NLGN1: variants seen among roughly 807,000 people sequenced by gnomAD.
NLGN1 encodes neuroligin 1.
Under a neutral mutation model 65.5 loss-of-function variants are expected in NLGN1, and 12 were observed. The ratio of observed to expected loss-of-function variants is 0.18; its 90% CI spans 0.12 to 0.30. The LOEUF (loss-of-function observed/expected upper bound fraction) is 0.30, where lower values mean the gene tolerates loss of function less well. Ranked by LOEUF, NLGN1 falls within the 10% of genes least tolerant of loss-of-function variation. NLGN1 has a pLI of 1.00. For synonymous variants in NLGN1, 350 were observed against 359.5 expected (o/e 0.97, Z 0.30); for missense variants, 750 against 1,007.1 (o/e 0.74, Z 3.46).
chr3:174,204,470 C>A (rs1299016018), intron 4 of NLGN1, among the ~76,000 whole-genome samples: 1 of 152,172 alleles, frequency 6.6e-6, no homozygotes, highest in Non-Finnish European at 1.5e-5. Flanking sequence ...ATAAATGCAT[C>A]CACGGATGTT....
At chr3:174,092,211 G>A (rs1416001324) in intron 4 of NLGN1, among the ~76,000 whole-genome samples, 1 of 152,120 alleles carries the variant, frequency 6.6e-6, no homozygotes, top group Non-Finnish European at 1.5e-5. Flanking sequence ...GTACTGAACT[G>A]GTGAATGGAA....
chr3:174,265,769 A>ATATATATATATATG (rs1747997771), intron 4 of NLGN1, among the ~76,000 whole-genome samples: 1 of 117,728 alleles, frequency 8.5e-6, no homozygotes, highest in Non-Finnish European at 1.7e-5. Flanking sequence ...AAGGCTATAT[A>ATATATATATATATG]TATATATATA....
intron 2 of NLGN1, among the ~76,000 whole-genome samples, chr3:173,539,929 G>C (rs1738537112): frequency 6.7e-6 from 1 of 148,654 alleles, no homozygotes; most frequent in African/African-American, 2.5e-5. Context: ...ACGTGTGTGT[G>C]TGTGTGTGTG....
intron 4 of NLGN1, among the ~76,000 whole-genome samples, chr3:174,048,289 T>C (rs1184351531): frequency 6.6e-6 from 1 of 152,086 alleles, no homozygotes; most frequent in Non-Finnish European, 1.5e-5. Context: ...ACTTGCCCTT[T>C]ATAAGCTTTA....
chr3:173,650,530 A>G (rs902440082), intron 3 of NLGN1, among the ~76,000 whole-genome samples: 1 of 152,176 alleles, frequency 6.6e-6, no homozygotes, highest in Non-Finnish European at 1.5e-5. Context: ...GTTTGCAAAT[A>G]CAACAGGTTA....
intron 4 of NLGN1, among the ~76,000 whole-genome samples, chr3:174,006,700 C>A (rs185247021): frequency 1.0e-3 from 154 of 152,172 alleles, no homozygotes; most frequent in African/African-American, 3.0e-3. Flanking sequence ...GAGAGAGGGC[C>A]TTTGAAGAAG....
Position 173,734,381 on chromosome 3 carries a change from A to ATTTT in NLGN1, c.494-73270_494-73267dup, listed in dbSNP as rs71162356. ...ATAATTAGATTCTGTGGATAATTCT[A>ATTTT]TTTTTTTTTTTTTTTTTTTTTTTTT... is the stretch of plus-strand genomic sequence containing the variant. On this transcript the variant is annotated intron_variant, in intron 3 of 6. Coordinates refer to ENST00000457714, the Ensembl canonical transcript of NLGN1. Among the ~76,000 whole-genome samples the ATTTT allele has an allele frequency of 1.4e-3, 57 of 40,076 alleles. 3 individuals carry two copies. Among genetic ancestry groups the ATTTT allele is most frequent in the African/African-American group, 3.0e-3 (27 of 9,128 alleles). The allele number at this position is 40,076 out of a possible 152,430, so 26.3% of individuals were successfully genotyped here.
chr3:173,412,330 A>ACACG (rs927393705), intron 1 of NLGN1, among the ~76,000 whole-genome samples: 3 of 151,970 alleles, frequency 2.0e-5, no homozygotes, highest in Admixed American at 2.0e-4. Context: ...ACACACACAC[A>ACACG]CACACACACA....
chr3:174,258,576 G>A (rs1013661616), intron 4 of NLGN1, among the ~76,000 whole-genome samples: 1 of 152,120 alleles, frequency 6.6e-6, no homozygotes, highest in Non-Finnish European at 1.5e-5. Flanking sequence ...AATGGGCAAA[G>A]CAACATCATG....
chr3:173,968,021 C>T (rs747362752), intron 4 of NLGN1, among the ~76,000 whole-genome samples: 2 of 152,078 alleles, frequency 1.3e-5, no homozygotes, highest in East Asian at 1.9e-4. Context: ...AATTCAAATG[C>T]GACTGTAGAG....
chr3:173,647,579 A>G (rs1560103165), intron 3 of NLGN1, among the ~76,000 whole-genome samples: 1 of 152,152 alleles, frequency 6.6e-6, no homozygotes, highest in African/African-American at 2.4e-5. Flanking sequence ...ACCAAATAAC[A>G]CTTGGATCAA....
intron 4 of NLGN1, among the ~76,000 whole-genome samples, chr3:173,906,030 A>T (rs1738320206): frequency 6.6e-6 from 1 of 152,212 alleles, no homozygotes; most frequent in Non-Finnish European, 1.5e-5. Flanking sequence ...TAGTTGAGGA[A>T]ACAAAGGCAA....
intron 2 of NLGN1, among the ~76,000 whole-genome samples, chr3:173,543,781 T>G (rs945290343): frequency 2.0e-5 from 3 of 152,098 alleles, no homozygotes; most frequent in Non-Finnish European, 4.4e-5. Context: ...AGAAATAAAA[T>G]GGCATAGAAA....
At chr3:173,598,563 C>CA (rs1749904104) in intron 2 of NLGN1, among the ~76,000 whole-genome samples, 1 of 152,130 alleles carries the variant, frequency 6.6e-6, no homozygotes, top group African/African-American at 2.4e-5. Context: ...TTTTCGTCAT[C>CA]TAGAGAATAA....
At chr3:174,239,539 A>T (rs1742408077) in intron 4 of NLGN1, among the ~76,000 whole-genome samples, 1 of 152,184 alleles carries the variant, frequency 6.6e-6, no homozygotes, top group African/African-American at 2.4e-5. Flanking sequence ...CATGTAACCC[A>T]ATACATTTCT....
intron 4 of NLGN1, among the ~76,000 whole-genome samples, chr3:174,172,716 A>G (rs540961082): frequency 6.6e-6 from 1 of 152,148 alleles, no homozygotes; most frequent in African/African-American, 2.4e-5. Context: ...TTTGGTTACA[A>G]TAGCTCTGCA....
At chr3:174,141,302 A>G (rs1308718858) in intron 4 of NLGN1, among the ~76,000 whole-genome samples, 1 of 152,186 alleles carries the variant, frequency 6.6e-6, no homozygotes, top group Non-Finnish European at 1.5e-5. Context: ...CCAGTAATAA[A>G]ATAAATGAGA....
chr3:174,146,570 CT>C lies in NLGN1; in HGVS notation c.647-128730del, dbSNP rs879300938. Among the ~76,000 whole-genome samples, 976 of 140,380 alleles carry C rather than the reference CT, an allele frequency of 7.0e-3. 2 individuals are homozygous for C. Among genetic ancestry groups the C allele is most frequent in the Middle Eastern group, 0.011 (3 of 262 alleles). The allele number at this position is 140,380 out of a possible 152,430, so 92.1% of individuals were successfully genotyped here. On this transcript the variant is annotated intron_variant, in intron 4 of 6. Coordinates refer to ENST00000457714, the Ensembl canonical transcript of NLGN1. ...TCTTTATAAAATATCTGACATGAAT[CT>C]TTTTTTTTTTTTTTAGACGGAGTTT... is the stretch of plus-strand genomic sequence containing the variant.
intron 2 of NLGN1, among the ~76,000 whole-genome samples, chr3:173,527,415 T>G (rs1398678389): frequency 2.6e-5 from 4 of 152,246 alleles, no homozygotes; most frequent in African/African-American, 9.6e-5. Flanking sequence ...TCTTTTTTTT[T>G]GAGACGGAGT....
Sources: gnomAD v4.1 joint callset for allele counts (sites outside exome capture counted in the v4.1 genomes callset) on GRCh38, gnomAD v4.1.1 for gene constraint, MANE v1.5 for transcripts, NCBI Gene and HGNC (gene_info 2026-07-23, HGNC 2026-07-21) for gene names.